Variants in CFAP61 observed in about 807,000 individuals in gnomAD.
CFAP61 encodes cilia and flagella associated protein 61, also known as cilia- and flagella-associated protein 61.
In CFAP61, 107 loss-of-function variants were observed where a neutral mutation model predicts 135.6. The observed-to-expected ratio is 0.79, with a 90% confidence interval of 0.67 to 0.93. The LOEUF is 0.93. CFAP61 is among the 40% of genes least tolerant of loss of function. The pLI, the probability that CFAP61 is intolerant of heterozygous loss-of-function variation, is 0.00. For synonymous variants in CFAP61, 575 were observed against 578.5 expected (o/e 0.99, Z 0.09); for missense variants, 1,507 against 1,556.2 (o/e 0.97, Z 0.53).
intron 3 of CFAP61, among the ~76,000 whole-genome samples, chr20:20,072,056 C>T (rs1287545768): frequency 7.8e-6 from 1 of 128,952 alleles, no homozygotes; most frequent in Non-Finnish European, 1.6e-5. Context: ...TATTGTCTTA[C>T]AGGATGTGAC....
chr20:20,159,326 G>T, intron 9 of CFAP61, 44 bp from the exon 10 acceptor site: 1 of 1,585,984 alleles, frequency 6.3e-7, no homozygotes, highest in South Asian at 1.1e-5. Flanking sequence ...CTAAACCACT[G>T]TAGGTGTCGA....
chr20:20,079,027 T>C (rs1253236628), intron 6 of CFAP61, among the ~76,000 whole-genome samples: 1 of 152,166 alleles, frequency 6.6e-6, no homozygotes, highest in Non-Finnish European at 1.5e-5. Context: ...GGAACACAAA[T>C]TACCAAAACT....
At position 20,277,305 on chromosome 20, in the gene CFAP61, G is replaced by T. The variant is rs760290786; in HGVS notation, c.2643G>T (p.Ser881=). 6 of 1,614,032 alleles carry T rather than the reference G, an allele frequency of 3.7e-6. No individual in the cohort carries two copies. The African/African-American group carries it at 6.7e-5, about 18-fold the overall frequency. The change falls in exon 22 of 27, where the codon TCG becomes TCT. Residue 881 remains serine, a synonymous_variant. Transcript: ENST00000245957. ...CCATCACCTGCATCAACAACTACTC[G>T]GTGGAGAGCGCCGTGGCGGACGCGC... ...ASTITCINNY[S]VESAVADALG...
At position 20,357,925 on chromosome 20, in the gene CFAP61, GGTCACAC is replaced by G. The variant is rs1602194316; in HGVS notation, c.3514-2284_3514-2278del. 6.7e-5 allele frequency among the ~76,000 whole-genome samples: 9 copies of G among 133,422 alleles called. No individual in the cohort carries two copies. In the East Asian group the frequency reaches 7.2e-4, roughly 11 times the overall value. The allele number at this position is 133,422 out of a possible 152,430, so 87.5% of individuals were successfully genotyped here. A position where few individuals can be genotyped will look rare whatever the true frequency, so the allele number is the denominator to read the frequency against. On this transcript the variant is annotated intron_variant, in intron 26 of 26. Coordinates refer to ENST00000245957, the MANE Select transcript of CFAP61 (RefSeq NM_015585.4). The stretch of plus-strand genomic sequence containing the variant: ...GGAGGTGGTCACACTGAGGGGAGGT[GGTCACAC>G]TGAGGGAAGGTGGTCACACTGAGGG...
At chr20:20,307,112 C>T (rs2056524352) in intron 25 of CFAP61, among the ~76,000 whole-genome samples, 1 of 152,212 alleles carries the variant, frequency 6.6e-6, no homozygotes, top group Non-Finnish European at 1.5e-5. Flanking sequence ...CCTCTTTGTC[C>T]TGTGCCCCTG....
intron 26 of CFAP61, among the ~76,000 whole-genome samples, chr20:20,353,305 AT>A (rs1753427385): frequency 6.6e-6 from 1 of 152,156 alleles, no homozygotes; most frequent in African/African-American, 2.4e-5. Flanking sequence ...CAAAAGGTTA[AT>A]TGGCATGTCT....
Position 20,199,793 on chromosome 20 carries a change from T to C in CFAP61, c.1823T>C (p.Leu608Pro), listed in dbSNP as rs776620594. 169 of 1,614,070 alleles carry C rather than the reference T, an allele frequency of 1.0e-4. No homozygotes were observed. The highest frequency in any genetic ancestry group is 1.3e-4 in the Non-Finnish European group (159 of 1,180,018). ...TTCCAGAACCCCTACGCCCACTCCC[T>C]GACATCTGCCCTTCATTACTTGGTT... is the stretch of plus-strand genomic sequence containing the variant. ...GKFQNPYAHSLTSALHYLVPV... is the reference protein window; with the variant it reads ...GKFQNPYAHSPTSALHYLVPV... Residue 608 changes from leucine to proline, a missense_variant, in exon 17 of 27, where the codon CTG becomes CCG. Physicochemically the swap from Leu to Pro is moderately conservative, Grantham distance 98 (BLOSUM62 -3). Transcript: ENST00000245957.
chr20:20,168,590 A>G (rs2053998026), intron 12 of CFAP61, among the ~76,000 whole-genome samples: 1 of 152,258 alleles, frequency 6.6e-6, no homozygotes, highest in South Asian at 2.1e-4. Flanking sequence ...AAACTTTTCC[A>G]GTAATGGAAT....
chr20:20,286,256 G>A (rs1447293001), intron 22 of CFAP61, among the ~76,000 whole-genome samples: 1 of 152,222 alleles, frequency 6.6e-6, no homozygotes, highest in Non-Finnish European at 1.5e-5. Context: ...TCCACATCCT[G>A]CCTGATAGTG....
chr20:20,166,304 G>A, intron 11 of CFAP61, 93 bp from the exon 12 acceptor site: 2 of 1,034,022 alleles, frequency 1.9e-6, no homozygotes, highest in Non-Finnish European at 1.5e-6. Flanking sequence ...GCTAATCGCT[G>A]CCCGAGGGGA....
At chr20:20,187,303 G>A (rs2055577429) in intron 13 of CFAP61, among the ~76,000 whole-genome samples, 1 of 152,214 alleles carries the variant, frequency 6.6e-6, no homozygotes, top group South Asian at 2.1e-4. Context: ...AGGCAGGAAT[G>A]GGGAGGCTGT....
In CFAP61 at chr20:20,117,054, G is replaced by A. The variant is rs918784707; in HGVS notation, c.859+18240G>A. On this transcript the variant is annotated intron_variant, in intron 8 of 26. Transcript: ENST00000245957. Reference sequence around the variant, plus strand: ...TCCCCGCTTTGTTATTGATGCCTTCGTCAAAAATAAATTGGCTGTAGCCAG... The same window carrying A: ...TCCCCGCTTTGTTATTGATGCCTTCATCAAAAATAAATTGGCTGTAGCCAG... 3.3e-5 allele frequency among the ~76,000 whole-genome samples: 5 copies of A among 152,058 alleles called. No individual in the cohort carries two copies. In the East Asian group the frequency reaches 5.8e-4, roughly 18 times the overall value.
At chr20:20,268,475 C>G (rs1307065140) in intron 21 of CFAP61, among the ~76,000 whole-genome samples, 3 of 152,206 alleles carry the variant, frequency 2.0e-5, no homozygotes, top group Non-Finnish European at 2.9e-5. Flanking sequence ...TAGCTCCTTC[C>G]CACAGTCACT....
intron 21 of CFAP61, among the ~76,000 whole-genome samples, chr20:20,263,735 A>T (rs1014770441): frequency 6.6e-6 from 1 of 152,196 alleles, no homozygotes; most frequent in South Asian, 2.1e-4. Context: ...AGCTAGTGAA[A>T]CAACCAGAAG....
At chr20:20,325,403 C>A (rs1396569149) in intron 25 of CFAP61, among the ~76,000 whole-genome samples, 1 of 152,196 alleles carries the variant, frequency 6.6e-6, no homozygotes, top group East Asian at 1.9e-4. Context: ...CCTCCTGCCT[C>A]CCCCACAAGC....
At chr20:20,357,344 G>A (rs1415152383) in intron 26 of CFAP61, among the ~76,000 whole-genome samples, 19 of 34,488 alleles carry the variant, frequency 5.5e-4, no homozygotes, top group Non-Finnish European at 5.4e-4. Flanking sequence ...GTGAGGGGAA[G>A]TGGTCACACT....
chr20:20,055,028 T>G (rs989214876), intron 1 of CFAP61, among the ~76,000 whole-genome samples: 2 of 152,212 alleles, frequency 1.3e-5, no homozygotes, highest in Non-Finnish European at 2.9e-5. Flanking sequence ...TCTATGTGCT[T>G]CTTTCTAGAT....
chr20:20,069,906 C>T (rs940411600), intron 2 of CFAP61: 1 of 296,324 alleles, frequency 3.4e-6, no homozygotes. Flanking sequence ...ACATGGGTAA[C>T]TGCTGCCTTC....
At chr20:20,324,616 G>A (rs1378777365) in intron 25 of CFAP61, among the ~76,000 whole-genome samples, 1 of 152,092 alleles carries the variant, frequency 6.6e-6, no homozygotes, top group Non-Finnish European at 1.5e-5. Flanking sequence ...CTGGATCAGT[G>A]GGTATATACA....
Sources: gnomAD v4.1 joint callset for allele counts (sites outside exome capture counted in the v4.1 genomes callset) on GRCh38, gnomAD v4.1.1 for gene constraint, MANE v1.5 for transcripts, NCBI Gene and HGNC (gene_info 2026-07-23, HGNC 2026-07-21) for gene names.